The following ABHD17B variants were observed in gnomAD, a reference collection of about 807,000 sequenced individuals.
The protein encoded by ABHD17B is alpha/beta hydrolase domain-containing protein 17B.
A neutral mutation model predicts 26.2 loss-of-function variants in ABHD17B; 9 were observed. The observed-to-expected ratio is 0.34, with a 90% CI of 0.21 to 0.60. The LOEUF is 0.60. Among genes scored for constraint, ABHD17B ranks in the 20% least tolerant of loss-of-function variants. The pLI is 0.80. For synonymous variants in ABHD17B, 127 were observed against 122.3 expected (o/e 1.04, Z -0.25); for missense variants, 224 against 352.1 (o/e 0.64, Z 2.91).
chr9:71,906,989 C>T (rs1374900579), intron 1 of ABHD17B, among the ~76,000 whole-genome samples: 1 of 152,118 alleles, frequency 6.6e-6, no homozygotes, highest in Admixed American at 6.5e-5. Flanking sequence ...TACTTTATTA[C>T]AATTTTTTCT....
At chr9:71,885,998 T>C (rs907926158) in intron 1 of ABHD17B, among the ~76,000 whole-genome samples, 8 of 152,226 alleles carry the variant, frequency 5.3e-5, no homozygotes, top group Non-Finnish European at 1.0e-4. Flanking sequence ...GTGTGATATG[T>C]TGACAACTAT....
downstream of ABHD17B, among the ~76,000 whole-genome samples, chr9:71,863,821 T>C (rs1825884796): frequency 6.6e-6 from 1 of 152,224 alleles, no homozygotes; most frequent in South Asian, 2.1e-4. Flanking sequence ...CTATTACTCC[T>C]TAGTCACATC....
chr9:71,909,265 T>C (rs1827373422), intron 1 of ABHD17B, among the ~76,000 whole-genome samples: 1 of 152,204 alleles, frequency 6.6e-6, no homozygotes, highest in Admixed American at 6.5e-5. Flanking sequence ...TAGGTGAAGG[T>C]GCCATTCATT....
chr9:71,883,264 G>A (rs573341485), intron 1 of ABHD17B, among the ~76,000 whole-genome samples: 30 of 152,336 alleles, frequency 2.0e-4, no homozygotes, highest in African/African-American at 7.0e-4. Context: ...GTATATACAT[G>A]TATTTGTGGG....
At chr9:71,895,312 G>C (rs1413509396) in intron 1 of ABHD17B, among the ~76,000 whole-genome samples, 2 of 152,184 alleles carry the variant, frequency 1.3e-5, no homozygotes, top group Admixed American at 1.3e-4. Flanking sequence ...GTAAAGCCAG[G>C]TTTCATATTC....
At position 71,875,002 on chromosome 9, in the gene ABHD17B, C is replaced by T. The variant is rs1826224631; in HGVS notation, c.79G>A (p.Ala27Thr). The change falls in exon 2 of 4, where the codon GCG becomes ACG. Residue 27 changes from alanine to threonine, a missense_variant. Physicochemically the swap from Ala to Thr is moderately conservative, Grantham distance 58. Coordinates refer to ENST00000333421, the MANE Select transcript of ABHD17B (RefSeq NM_001025780.3). ...TAAGTTGGATCAGGTGGCAAAAACG[C>T]TAATTTTGAAGCAATCTTCCCTGGA... is the stretch of plus-strand genomic sequence containing the variant. The part of the protein sequence containing the change: ...PCPGKIASKL[A>T]FLPPDPTYTL... 1.2e-6 allele frequency: 2 copies of T among 1,614,104 alleles called. No homozygotes were observed. The highest frequency in any genetic ancestry group is 8.5e-7 in the Non-Finnish European group (1 of 1,180,000).
chr9:71,875,960 C>T (rs1202829273), intron 1 of ABHD17B, among the ~76,000 whole-genome samples: 1 of 152,162 alleles, frequency 6.6e-6, no homozygotes, highest in Non-Finnish European at 1.5e-5. Context: ...TCCAGGCTGT[C>T]ACTACACTAT....
At position 71,867,150 on chromosome 9, in the gene ABHD17B, A is replaced by G; in HGVS notation, c.648-144T>C. On this transcript the variant is annotated intron_variant, in intron 3 of 3. Coordinates refer to ENST00000333421, the MANE Select transcript of ABHD17B (RefSeq NM_001025780.3). ...TAAGAATGTCTCCTGAATTTCCAGT[A>G]AGATTCAAAAATTGCCTTTTACATA... 3.8e-6 allele frequency: 4 copies of G among 1,059,262 alleles called. No homozygotes were observed. The South Asian group carries it at 5.0e-5, about 13-fold the overall frequency. 65.6% of individuals were successfully genotyped at this position (1,059,262 alleles called of 1,614,324 possible). A position where few individuals can be genotyped will look rare whatever the true frequency, so the allele number is the denominator to read the frequency against.
chr9:71,897,264 G>A (rs977072322), intron 1 of ABHD17B, among the ~76,000 whole-genome samples: 2 of 152,174 alleles, frequency 1.3e-5, no homozygotes, highest in Non-Finnish European at 2.9e-5. Context: ...TGCAGGCCAC[G>A]CTCAGTGGCT....
At chr9:71,868,717 C>T (rs7023190) in intron 3 of ABHD17B, among the ~76,000 whole-genome samples, 62,649 of 151,988 alleles carry the variant, frequency 0.41, 13,084 homozygotes, top group South Asian at 0.58. Context: ...GAGACAGGGT[C>T]TCGCTCTGTC....
At chr9:71,910,176 A>G (rs1042871057) in intron 1 of ABHD17B, among the ~76,000 whole-genome samples, 7 of 152,128 alleles carry the variant, frequency 4.6e-5, no homozygotes, top group African/African-American at 1.4e-4. Context: ...ATATAAGGAC[A>G]TTCAGGAGAA....
At chr9:71,874,398 GACAA>G (rs745663160) in intron 2 of ABHD17B, among the ~76,000 whole-genome samples, 3 of 152,018 alleles carry the variant, frequency 2.0e-5, no homozygotes, top group Non-Finnish European at 4.4e-5. Context: ...TATTAATGTA[GACAA>G]ACAAACCTGA....
At position 71,911,119 on chromosome 9, in the gene ABHD17B, G is replaced by A. The variant is rs1827459661; in HGVS notation, c.-489C>T. On this transcript the variant is annotated 5_prime_UTR_variant, in exon 1 of 4. Transcript: ENST00000333421. Reference sequence around the variant, plus strand: ...CCTGCCAAGCGCGAGGCTCGTTCCGGTAGCGGGAGGAAGACTGGAGGGGAA... The same window carrying A: ...CCTGCCAAGCGCGAGGCTCGTTCCGATAGCGGGAGGAAGACTGGAGGGGAA... 6.6e-6 allele frequency among the ~76,000 whole-genome samples: 1 copy of A among 152,192 alleles called. No homozygotes were observed. The highest frequency in any genetic ancestry group is 2.4e-5 in the African/African-American group (1 of 41,454).
downstream of ABHD17B, chr9:71,862,509 C>A: frequency 6.6e-7 from 1 of 1,524,898 alleles, no homozygotes; most frequent in Non-Finnish European, 8.9e-7. Flanking sequence ...TATATTAATC[C>A]AGTTAAGTTT....
chr9:71,874,724 A>G lies in ABHD17B; in HGVS notation c.357T>C (p.Asn119=), dbSNP rs1157688645. Reference sequence around the variant, plus strand: ...AATAATCATATGAGAATATATTACAATTAATCCGTGATCCTAGTCCTATGT... The same window carrying G: ...AATAATCATATGAGAATATATTACAGTTAATCCGTGATCCTAGTCCTATGT... ...SFYIGLGSRI[N]CNIFSYDYSG... The change falls in exon 2 of 4, where the codon AAT becomes AAC. Residue 119 remains asparagine, a synonymous_variant. Coordinates refer to ENST00000333421, the MANE Select transcript of ABHD17B (RefSeq NM_001025780.3). 2 of 1,614,208 alleles carry G rather than the reference A, an allele frequency of 1.2e-6. No homozygotes were observed. Among genetic ancestry groups the G allele is most frequent in the Admixed American group, 3.3e-5 (2 of 60,026 alleles).
At chr9:71,894,087 C>CAAAAAAAAAAAAAAAA (rs1180729763) in intron 1 of ABHD17B, among the ~76,000 whole-genome samples, 8 of 52,306 alleles carry the variant, frequency 1.5e-4, no homozygotes, top group African/African-American at 6.9e-4. Context: ...GACTCTATCT[C>CAAAAAAAAAAAAAAAA]AAAAAAAAAA....
intron 2 of ABHD17B, among the ~76,000 whole-genome samples, chr9:71,870,840 G>T (rs1311590238): frequency 1.3e-5 from 2 of 152,080 alleles, no homozygotes; most frequent in African/African-American, 4.8e-5. Flanking sequence ...ATGGACTAAT[G>T]GTTGAAAAGA....
intron 1 of ABHD17B, among the ~76,000 whole-genome samples, chr9:71,880,400 C>A (rs1564065326): frequency 1.3e-5 from 2 of 151,492 alleles, no homozygotes; most frequent in Admixed American, 6.6e-5. Context: ...ATACAAAATA[C>A]AAAATCAAGC....
intron 3 of ABHD17B, among the ~76,000 whole-genome samples, chr9:71,867,667 A>G (rs547178396): frequency 9.2e-5 from 14 of 152,288 alleles, no homozygotes; most frequent in African/African-American, 3.4e-4. Flanking sequence ...GGATTTTTGC[A>G]AAGTCTGTGT....
Sources: gnomAD v4.1 joint callset for allele counts (sites outside exome capture counted in the v4.1 genomes callset) on GRCh38, gnomAD v4.1.1 for gene constraint, MANE v1.5 for transcripts, NCBI Gene and HGNC (gene_info 2026-07-23, HGNC 2026-07-21) for gene names.